The following LRP12 variants were observed in gnomAD, a reference collection of about 807,000 sequenced individuals.
The protein encoded by LRP12 is LDL receptor related protein 12, also known as low-density lipoprotein receptor-related protein 12.
A neutral mutation model predicts 66.0 loss-of-function variants in LRP12; 14 were observed. The ratio of observed to expected loss-of-function variants is 0.21; its 90% CI spans 0.14 to 0.33. The LOEUF is 0.33. Ranked by LOEUF, LRP12 falls within the 10% of genes least tolerant of loss-of-function variation. The pLI is 1.00. For missense variants in LRP12, 889 were observed against 1,053.4 expected (o/e 0.84, Z 2.16); for synonymous variants, 357 against 359.1 (o/e 0.99, Z 0.07).
intron 3 of LRP12, among the ~76,000 whole-genome samples, chr8:104,502,924 G>GCCGTAAT (rs1055733936): frequency 6.6e-6 from 1 of 152,076 alleles, no homozygotes; most frequent in African/African-American, 2.4e-5. Flanking sequence ...GGTGGCTCAC[G>GCCGTAAT]CCGTAATCCC....
intron 1 of LRP12, among the ~76,000 whole-genome samples, chr8:104,562,257 C>A (rs1811922546): frequency 6.6e-6 from 1 of 152,046 alleles, no homozygotes; most frequent in South Asian, 2.1e-4. Flanking sequence ...ACATGGTAAG[C>A]ATTCAATACA....
intron 1 of LRP12, among the ~76,000 whole-genome samples, chr8:104,562,359 A>C (rs1005205623): frequency 1.3e-5 from 2 of 152,204 alleles, no homozygotes; most frequent in African/African-American, 4.8e-5. Flanking sequence ...ACATTCAAAC[A>C]AAGATAAAAG....
At position 104,585,700 on chromosome 8, in the gene LRP12, C is replaced by T. The variant is rs534270739; in HGVS notation, c.79+3119G>A. On this transcript the variant is annotated intron_variant, in intron 1 of 6. Coordinates refer to ENST00000276654, the MANE Select transcript of LRP12 (RefSeq NM_013437.5). ...CTGAGTGCACAGGTAGTTAAGAGTA[C>T]GATTTCATTAACTTTTTTCTCTATG... Among the ~76,000 whole-genome samples, 8 of 152,216 alleles carry T rather than the reference C, an allele frequency of 5.3e-5. 1 individual carries two copies. The South Asian group carries it at 1.7e-3, about 32-fold the overall frequency.
rs1011341462 is a variant in LRP12 at position 104,489,265 on chromosome 8, A to G, written c.*1408T>C. 2 of 152,584 alleles carry G rather than the reference A, an allele frequency of 1.3e-5. No homozygotes were observed. Among genetic ancestry groups the G allele is most frequent in the African/African-American group, 4.8e-5 (2 of 41,452 alleles). 9.5% of individuals were successfully genotyped at this position (152,584 alleles called of 1,614,324 possible). A position where few individuals can be genotyped will look rare whatever the true frequency, so the allele number is the denominator to read the frequency against. On this transcript the variant is annotated 3_prime_UTR_variant, in exon 7 of 7. Coordinates refer to ENST00000276654, the MANE Select transcript of LRP12 (RefSeq NM_013437.5). ...AAAAGTACCTCAAGGCAATAAAAAA[A>G]ATCATTTTAATTTTTGATACATATT...
At chr8:104,507,902 T>C (rs7819974) in intron 3 of LRP12, 4,667 of 152,192 alleles carry the variant, frequency 0.031, 239 homozygotes, top group African/African-American at 0.11. Context: ...GGTTTCCTCA[T>C]CAGTTAATAA....
At chr8:104,574,128 C>A (rs1422620605) in intron 1 of LRP12, among the ~76,000 whole-genome samples, 1 of 152,114 alleles carries the variant, frequency 6.6e-6, no homozygotes, top group Non-Finnish European at 1.5e-5. Flanking sequence ...ATTGCAAAAA[C>A]TAAGACAATG....
intron 1 of LRP12, among the ~76,000 whole-genome samples, chr8:104,537,014 T>C (rs1433391420): frequency 6.6e-6 from 1 of 151,292 alleles, no homozygotes; most frequent in Non-Finnish European, 1.5e-5. Flanking sequence ...AAAGAGGAAT[T>C]AGCAACAGAT....
At chr8:104,587,903 G>A (rs1812358990) in intron 1 of LRP12, among the ~76,000 whole-genome samples, 1 of 152,208 alleles carries the variant, frequency 6.6e-6, no homozygotes, top group Admixed American at 6.5e-5. Context: ...TACCTATTCA[G>A]TGTGTTTAAC....
At chr8:104,561,582 G>A (rs1035780820) in intron 1 of LRP12, among the ~76,000 whole-genome samples, 4 of 152,198 alleles carry the variant, frequency 2.6e-5, no homozygotes, top group Non-Finnish European at 5.9e-5. Context: ...AGAGTATGGA[G>A]TTAGTGCCTA....
At chr8:104,533,547 C>G (rs891670307) in intron 1 of LRP12, among the ~76,000 whole-genome samples, 1 of 152,068 alleles carries the variant, frequency 6.6e-6, no homozygotes, top group Admixed American at 6.6e-5. Context: ...TTAAGAAGCA[C>G]TGGCAAGGTT....
chr8:104,566,287 G>T, intron 1 of LRP12: 1 of 369,478 alleles, frequency 2.7e-6, no homozygotes, highest in East Asian at 6.3e-5. Context: ...TAAAAAATTA[G>T]GAGACCAACA....
chr8:104,496,087 G>C (rs922902259), intron 5 of LRP12: 3 of 152,148 alleles, frequency 2.0e-5, no homozygotes, highest in African/African-American at 7.2e-5. Flanking sequence ...TCTCCACAGG[G>C]ACATCTCTGC....
At chr8:104,554,360 T>C (rs1041724918) in intron 1 of LRP12, among the ~76,000 whole-genome samples, 1 of 151,996 alleles carries the variant, frequency 6.6e-6, no homozygotes, top group Non-Finnish European at 1.5e-5. Flanking sequence ...ATACCAACTT[T>C]AAGATTTTTT....
Position 104,588,996 on chromosome 8 carries a change from G to GCCGCCGCCC in LRP12, c.-100_-99insGGGCGGCGG, listed in dbSNP as rs1296249988. The GCCGCCGCCC allele has an allele frequency of 3.4e-6, 3 of 877,066 alleles. No homozygotes were observed. The highest frequency in any genetic ancestry group is 5.1e-6 in the Non-Finnish European group (3 of 587,740). The allele number at this position is 877,066 out of a possible 1,614,324, so 54.3% of individuals were successfully genotyped here. ...CGCCGCCGCCGCCGCCGCCGCCGCC[G>GCCGCCGCCC]CCGAGCCACCGGCTGCTCCCTGCGC... On this transcript the variant is annotated 5_prime_UTR_variant, in exon 1 of 7. Transcript: ENST00000276654.
At chr8:104,517,407 A>G (rs556002633) in intron 2 of LRP12, among the ~76,000 whole-genome samples, 2 of 151,930 alleles carry the variant, frequency 1.3e-5, no homozygotes, top group African/African-American at 2.4e-5. Flanking sequence ...AGCATACTCT[A>G]AACTAGTTAA....
At position 104,579,786 on chromosome 8, in the gene LRP12, A is replaced by T. The variant is rs545628941; in HGVS notation, c.79+9033T>A. 3.9e-5 allele frequency among the ~76,000 whole-genome samples: 6 copies of T among 152,306 alleles called. No homozygotes were observed. The South Asian group carries it at 8.3e-4, about 21-fold the overall frequency. On this transcript the variant is annotated intron_variant, in intron 1 of 6. Coordinates refer to ENST00000276654, the MANE Select transcript of LRP12 (RefSeq NM_013437.5). ...CCAGAAATAAGGCAGCACATCTACA[A>T]CTAACTGATCTTCAACAAACTTGAC... is the stretch of plus-strand genomic sequence containing the variant.
rs145709171 is a variant in LRP12, at chr8:104,497,348, G to A, written c.1204C>T (p.Pro402Ser). The change falls in exon 5 of 7, where the codon CCA becomes TCA. Residue 402 changes from proline (P) to serine (S), a missense_variant. This residue lies in a region of LRP12 where 800 missense variants were observed against 964.5 expected (regional missense o/e 0.83). Coordinates refer to ENST00000276654, the MANE Select transcript of LRP12 (RefSeq NM_013437.5). The surrounding 1 kb of genome is among the most constrained non-coding windows in gnomAD (Gnocchi z 4.3). ...CAATTGGTTTCATCCCTTCCATTTG[G>A]GCAATGCCAATACCCATCACAACGC... ...QQRCDGYWHC[P>S]NGRDETNCTM... The A allele has an allele frequency of 1.4e-4, 223 of 1,613,760 alleles. No individual in the cohort carries two copies. The highest frequency in any genetic ancestry group is 1.7e-4 in the Non-Finnish European group (200 of 1,179,942).
rs367999610 is a variant in LRP12, at chr8:104,497,385, A to G, written c.1167T>C (p.Tyr389=). The G allele has an allele frequency of 2.4e-5, 39 of 1,613,904 alleles. No individual in the cohort carries two copies. Among genetic ancestry groups the G allele is most frequent in the Admixed American group, 1.3e-4 (8 of 59,998 alleles). Residue 389 remains tyrosine (Y), a synonymous_variant, in exon 5 of 7, where the codon TAT becomes TAC. Coordinates refer to ENST00000276654, the MANE Select transcript of LRP12 (RefSeq NM_013437.5). The surrounding 1 kb of genome is among the most constrained non-coding windows in gnomAD (Gnocchi z 4.3). ...ACCCATCACAACGCTGCTGCTCAGT[A>G]TAACACCCCCAGTTACCTCCACAGG... ...EIPCGGNWGC[Y]TEQQRCDGYW...
chr8:104,516,393 A>G (rs1811072839), intron 2 of LRP12, among the ~76,000 whole-genome samples: 1 of 152,122 alleles, frequency 6.6e-6, no homozygotes. Flanking sequence ...GCTAATGGTT[A>G]AACTATATGA....
Sources: allele counts gnomAD v4.1 joint callset (sites outside exome capture counted in the v4.1 genomes callset), GRCh38; gene constraint gnomAD v4.1.1; regional missense constraint gnomAD v4.1.1; non-coding constraint Gnocchi (gnomAD v3.1); transcripts MANE v1.5; gene names NCBI Gene and HGNC (gene_info 2026-07-23, HGNC 2026-07-21).